Variants in TREH observed in about 807,000 individuals in gnomAD.
TREH encodes alpha,alpha-trehalose glucohydrolase.
In TREH, 69 loss-of-function variants were observed where a neutral mutation model predicts 80.5. The observed-to-expected ratio is 0.86, with a 90% confidence interval of 0.71 to 1.05. TREH has a LOEUF of 1.05. Among genes scored for constraint, TREH ranks in the 50% least tolerant of loss-of-function variants. TREH has a pLI of 0.00. For missense variants in TREH, 716 were observed against 718.8 expected (o/e 1.00, Z 0.04); for synonymous variants, 309 against 293.5 (o/e 1.05, Z -0.54).
At position 118,661,251 on chromosome 11, in the gene TREH, C is replaced by T. The variant is rs1949317972; in HGVS notation, c.766G>A (p.Asp256Asn). 6.2e-7 allele frequency: 1 copy of T among 1,613,950 alleles called. No homozygotes were observed. Among genetic ancestry groups the T allele is most frequent in the Middle Eastern group, 1.6e-4 (1 of 6,062 alleles). The change falls in exon 8 of 15, where the codon GAC (aspartate) becomes AAC (asparagine). Residue 256 changes from aspartate to asparagine, a missense_variant. Physicochemically the swap from Asp to Asn is conservative, Grantham distance 23. Transcript: ENST00000264029. This position sits in a 1 kb window ranked among gnomAD's most constrained non-coding sequence, Gnocchi z 4.2. ...ACAGTCCTGTTCTTGGTCCAAAAGTCCAATTCCAAGGCTAGTGTTTCAATG... is the reference window on the plus strand; with the variant it reads ...ACAGTCCTGTTCTTGGTCCAAAAGTTCAATTCCAAGGCTAGTGTTTCAATG... ...ENIETLALEL[D>N]FWTKNRTVSV...
intron 1 of TREH, among the ~76,000 whole-genome samples, chr11:118,669,876 C>T (rs1472825968): frequency 6.6e-6 from 1 of 151,980 alleles, no homozygotes; most frequent in African/African-American, 2.4e-5. Context: ...GTTTGTAACA[C>T]AAAGGATAAA....
At chr11:118,677,950 T>C (rs1949495809) in intron 1 of TREH, among the ~76,000 whole-genome samples, 1 of 152,176 alleles carries the variant, frequency 6.6e-6, no homozygotes, top group South Asian at 2.1e-4. Flanking sequence ...ACTTTTCCCC[T>C]TTATATTCCA....
chr11:118,658,363 G>A lies in TREH; in HGVS notation c.1678C>T (p.Leu560=), dbSNP rs35817833. ...YGDRLTSGAK[L]AFLEPHCLAA... is the part of the protein sequence containing the mutation. ...AGGCAGTGGGGCTCCAGGAAAGCCA[G>A]CTTGGCCCCTGAGGTCAGCCGGTCA... The change falls in exon 15 of 15, where the codon CTG becomes TTG. Residue 560 remains leucine (L), a synonymous_variant. Transcript: ENST00000264029. 1,338 of 1,605,820 alleles carry A rather than the reference G, an allele frequency of 8.3e-4. 10 individuals are homozygous for A. In the African/African-American group the frequency reaches 0.014, roughly 17 times the overall value.
Position 118,658,962 on chromosome 11 carries a change from C to G in TREH, c.1488G>C (p.Gln496His). Residue 496 changes from glutamine (Q) to histidine (H), a missense_variant, in exon 13 of 15, where the codon CAG becomes CAC. Coordinates refer to ENST00000264029, the MANE Select transcript of TREH (RefSeq NM_007180.3). Reference sequence around the variant, plus strand: ...CATCAAAATTGGTTCGGATCCAATTCTGAGCCAGCTGGAAAGCCACTTCCT... The same window carrying G: ...CATCAAAATTGGTTCGGATCCAATTGTGAGCCAGCTGGAAAGCCACTTCCT... ...RAQEVAFQLA[Q>H]NWIRTNFDVY... 6.2e-7 allele frequency: 1 copy of G among 1,613,936 alleles called. No individual in the cohort carries two copies. Among genetic ancestry groups the G allele is most frequent in the African/African-American group, 1.3e-5 (1 of 75,036 alleles).
rs1555144952 is a variant in TREH, at chr11:118,661,471, A to T, written c.656T>A (p.Leu219Gln). Residue 219 changes from leucine (L) to glutamine (Q), a missense_variant, in exon 7 of 15, where the codon CTG becomes CAG. By Grantham distance (113) the Leu-to-Gln change is moderately radical. Coordinates refer to ENST00000264029, the MANE Select transcript of TREH (RefSeq NM_007180.3). The surrounding 1 kb of genome is among the most constrained non-coding windows in gnomAD (Gnocchi z 4.2). ...HVPNGGRVYY[L>Q]QRSQPPLLTL... Reference sequence around the variant, plus strand: ...CAAGAGTGGGGGCTGGCTCCGCTGCAGGTAGTACACGCGCCCACCATTGGG... The same window carrying T: ...CAAGAGTGGGGGCTGGCTCCGCTGCTGGTAGTACACGCGCCCACCATTGGG... 2 of 1,613,728 alleles carry T rather than the reference A, an allele frequency of 1.2e-6. No homozygotes were observed. Among genetic ancestry groups the T allele is most frequent in the South Asian group, 2.2e-5 (2 of 91,062 alleles).
In TREH at chr11:118,674,468, C is replaced by A. The variant is rs1555146631; in HGVS notation, c.89+5071G>T. On this transcript the variant is annotated intron_variant, in intron 1 of 14. Transcript: ENST00000264029. The surrounding 1 kb of genome is among the most constrained non-coding windows in gnomAD (Gnocchi z 4.4). ...TCCTGGTCAGATACAATATCCATCCCTGTAATACATTCAGGTAGAAGAGAT... is the reference window on the plus strand; with the variant it reads ...TCCTGGTCAGATACAATATCCATCCATGTAATACATTCAGGTAGAAGAGAT... Among the ~76,000 whole-genome samples the A allele has an allele frequency of 6.6e-6, 1 of 152,190 alleles. No individual in the cohort carries two copies. Among genetic ancestry groups the A allele is most frequent in the East Asian group, 1.9e-4 (1 of 5,192 alleles).
At chr11:118,678,327 T>C (rs1389385263) in intron 1 of TREH, among the ~76,000 whole-genome samples, 1 of 151,884 alleles carries the variant, frequency 6.6e-6, no homozygotes, top group Admixed American at 6.6e-5. Flanking sequence ...TCTCTCTACT[T>C]CAAACTGTGC....
At chr11:118,677,893 C>T (rs1949495075) in intron 1 of TREH, among the ~76,000 whole-genome samples, 1 of 152,190 alleles carries the variant, frequency 6.6e-6, no homozygotes, top group Non-Finnish European at 1.5e-5. Flanking sequence ...TCTCTGAAGT[C>T]CTCATTACAA....
chr11:118,679,477 A>C (rs959101469), intron 1 of TREH, 62 bp downstream of exon 1: 15 of 1,419,446 alleles, frequency 1.1e-5, no homozygotes, highest in Non-Finnish European at 1.4e-5. Context: ...CCAGAGCTTG[A>C]GATCTCATCC....
chr11:118,669,340 C>CTAGA (rs1949409993), intron 1 of TREH, among the ~76,000 whole-genome samples: 1 of 152,186 alleles, frequency 6.6e-6, no homozygotes, highest in Non-Finnish European at 1.5e-5. Context: ...AATTCCATTG[C>CTAGA]TAGATATATG....
At chr11:118,659,718 T>C in intron 11 of TREH, 29 bp downstream of exon 11, 1 of 1,554,742 alleles carries the variant, frequency 6.4e-7, no homozygotes, top group African/African-American at 1.4e-5. Context: ...CTGCCTGCAG[T>C]GGACCCGAGC....
At chr11:118,669,885 A>C (rs1565529452) in intron 1 of TREH, among the ~76,000 whole-genome samples, 3 of 152,172 alleles carry the variant, frequency 2.0e-5, no homozygotes, top group Non-Finnish European at 4.4e-5. Context: ...ACAAAGGATA[A>C]ATGCTTGAGG....
At chr11:118,669,946 T>TA (rs1949415814) in intron 1 of TREH, among the ~76,000 whole-genome samples, 1 of 152,212 alleles carries the variant, frequency 6.6e-6, no homozygotes, top group Middle Eastern at 3.4e-3. Context: ...TGCATGCCTG[T>TA]ATCAAAATAT....
At chr11:118,671,760 A>C (rs2137281763) in intron 1 of TREH, among the ~76,000 whole-genome samples, 1 of 152,290 alleles carries the variant, frequency 6.6e-6, no homozygotes, top group Non-Finnish European at 1.5e-5. Context: ...ATCAAACTAA[A>C]AGTCAAGGAC....
rs1555144936 is a variant in TREH, at chr11:118,661,407, G to A, written c.720C>T (p.Asp240=). ...GTGGTACCCACTGTAGAAAGGCGGT[G>A]TCATTGGTGTGAGTCAAGTAGCAAT... ...MMDCYLTHTN[D]TAFLQENIET... The change falls in exon 7 of 15, where the codon GAC becomes GAT. Residue 240 remains aspartate, a synonymous_variant. Coordinates refer to ENST00000264029, the MANE Select transcript of TREH (RefSeq NM_007180.3). This position sits in a 1 kb window ranked among gnomAD's most constrained non-coding sequence, Gnocchi z 4.2. 4 of 1,613,970 alleles carry A rather than the reference G, an allele frequency of 2.5e-6. No individual in the cohort carries two copies. The Middle Eastern group carries it at 6.6e-4, about 266-fold the overall frequency.
chr11:118,679,569 G>T lies in TREH; in HGVS notation c.59C>A (p.Ser20Tyr). The T allele has an allele frequency of 2.6e-6, 4 of 1,549,276 alleles. No individual in the cohort carries two copies. Among genetic ancestry groups the T allele is most frequent in the Non-Finnish European group, 1.7e-6 (2 of 1,144,276 alleles). The change falls in exon 1 of 15, where the codon TCC becomes TAC. Residue 20 changes from serine to tyrosine, a missense_variant. Transcript: ENST00000264029. ...LLLLLGLGLGSQEALPPPCES... is the reference protein window; with the variant it reads ...LLLLLGLGLGYQEALPPPCES... ...ACAGGGTGGGGGTAGGGCCTCCTGG[G>T]ACCCCAGTCCCAGCCCCAGCAGCAG...
Position 118,676,786 on chromosome 11 carries a change from A to G in TREH, c.89+2753T>C, listed in dbSNP as rs560123690. Among the ~76,000 whole-genome samples, 17 of 147,978 alleles carry G rather than the reference A, an allele frequency of 1.1e-4. No individual in the cohort carries two copies. The East Asian group carries it at 1.4e-3, about 12-fold the overall frequency. Reference sequence around the variant, plus strand: ...TGCTGTCTCAAAAAAAAAAAGAAAGAAAAAAACAACAACAAAAAAACACTA... The same window carrying G: ...TGCTGTCTCAAAAAAAAAAAGAAAGGAAAAAACAACAACAAAAAAACACTA... On this transcript the variant is annotated intron_variant, in intron 1 of 14. Coordinates refer to ENST00000264029, the MANE Select transcript of TREH (RefSeq NM_007180.3).
chr11:118,679,104 C>T (rs937964888), intron 1 of TREH, among the ~76,000 whole-genome samples: 6 of 152,118 alleles, frequency 3.9e-5, no homozygotes, highest in African/African-American at 1.4e-4. Flanking sequence ...CGACAGGGGG[C>T]GGTGGCTCAC....
At position 118,679,613 on chromosome 11, in the gene TREH, G is replaced by A. The variant is rs922503308; in HGVS notation, c.15C>T (p.Thr5=). 25 of 1,535,738 alleles carry A rather than the reference G, an allele frequency of 1.6e-5. No homozygotes were observed. Among genetic ancestry groups the A allele is most frequent in the Middle Eastern group, 1.7e-4 (1 of 5,832 alleles). ...GCAGCAGTAGCAGGCACAGCTCCCA[G>A]GTCCTCCCTGGCATGGTGGCTGTGA... MPGR[T]WELCLLLLLG... Residue 5 remains threonine, a synonymous_variant, in exon 1 of 15, where the codon ACC becomes ACT. Transcript: ENST00000264029.
Sources: allele counts gnomAD v4.1 joint callset (sites outside exome capture counted in the v4.1 genomes callset), GRCh38; gene constraint gnomAD v4.1.1; non-coding constraint Gnocchi (gnomAD v3.1); transcripts MANE v1.5; gene names NCBI Gene and HGNC (gene_info 2026-07-23, HGNC 2026-07-21).